NFAM1: variants seen among roughly 807,000 people sequenced by gnomAD.
The protein encoded by NFAM1 is NFAT activation molecule 1.
Under a neutral mutation model 29.0 loss-of-function variants are expected in NFAM1, and 17 were observed. That is an observed-to-expected ratio of 0.59 (90% CI 0.40 to 0.88). The LOEUF (loss-of-function observed/expected upper bound fraction) is 0.88, where lower values mean the gene tolerates loss of function less well. Among genes scored for constraint, NFAM1 ranks in the 40% least tolerant of loss-of-function variants. The pLI is 0.00. For synonymous variants in NFAM1, 175 were observed against 147.2 expected (o/e 1.19, Z -1.36); for missense variants, 324 against 344.6 (o/e 0.94, Z 0.47).
At chr22:42,424,944 T>C (rs908871776) in intron 1 of NFAM1, among the ~76,000 whole-genome samples, 8 of 151,620 alleles carry the variant, frequency 5.3e-5, no homozygotes, top group African/African-American at 1.7e-4. Context: ...TTTTCTGAGA[T>C]GGAGTCTTGC....
At position 42,409,853 on chromosome 22, in the gene NFAM1, G is replaced by C. The variant is rs951893096; in HGVS notation, c.452-306C>G. Among the ~76,000 whole-genome samples, 1 of 152,190 alleles carries C rather than the reference G, an allele frequency of 6.6e-6. No homozygotes were observed. Among genetic ancestry groups the C allele is most frequent in the Non-Finnish European group, 1.5e-5 (1 of 68,032 alleles). On this transcript the variant is annotated intron_variant, in intron 2 of 5. Coordinates refer to ENST00000329021, the MANE Select transcript of NFAM1 (RefSeq NM_145912.8). The surrounding 1 kb of genome is among the most constrained non-coding windows in gnomAD (Gnocchi z 4.9). ...CTGAGCGAGATGTCTCCCCTCTCGG[G>C]GCCTCTTCTTTTCCCTGTGTGAGGT... is the stretch of plus-strand genomic sequence containing the variant.
At chr22:42,411,338 C>A in intron 2 of NFAM1, 69 bp downstream of exon 2, 1 of 1,271,154 alleles carries the variant, frequency 7.9e-7, no homozygotes, top group East Asian at 2.5e-5. Context: ...ATTTCCGATC[C>A]AAAGTCCCAA....
intron 1 of NFAM1, among the ~76,000 whole-genome samples, 190 bp from the exon 2 acceptor site, chr22:42,411,926 C>T (rs1345285385): frequency 3.3e-5 from 5 of 152,120 alleles, no homozygotes; most frequent in African/African-American, 7.2e-5. Flanking sequence ...GGTGAAACCC[C>T]GTCTCTACTA....
chr22:42,395,926 G>A (rs545424990), intron 4 of NFAM1, among the ~76,000 whole-genome samples: 1 of 149,056 alleles, frequency 6.7e-6, no homozygotes, highest in South Asian at 2.1e-4. Flanking sequence ...TAAAGAAAGT[G>A]AAAATGGGGA....
In NFAM1 at chr22:42,409,116, G is replaced by A. The variant is rs998536527; in HGVS notation, c.564+319C>T. On this transcript the variant is annotated intron_variant, in intron 3 of 5. Transcript: ENST00000329021. This position sits in a 1 kb window ranked among gnomAD's most constrained non-coding sequence, Gnocchi z 4.9. ...GCTGGGATCAAGAAAACCTGAGCAG[G>A]GATTCCCTAATCTGGGGAGCTAGAA... Among the ~76,000 whole-genome samples the A allele has an allele frequency of 1.1e-4, 17 of 152,144 alleles. No individual in the cohort carries two copies. Among genetic ancestry groups the A allele is most frequent in the African/African-American group, 3.9e-4 (16 of 41,432 alleles).
chr22:42,404,339 A>T (rs1257427012), intron 3 of NFAM1, among the ~76,000 whole-genome samples: 1 of 151,522 alleles, frequency 6.6e-6, no homozygotes, highest in African/African-American at 2.4e-5. Flanking sequence ...TCATTTATCC[A>T]CCACTGCAGG....
intron 1 of NFAM1, among the ~76,000 whole-genome samples, chr22:42,425,010 C>G (rs576854012): frequency 1.3e-5 from 2 of 152,166 alleles, no homozygotes; most frequent in African/African-American, 4.8e-5. Context: ...CAAACTCTAC[C>G]TCCCAGGTTC....
chr22:42,418,173 G>A (rs1930323602), intron 1 of NFAM1, among the ~76,000 whole-genome samples: 1 of 152,212 alleles, frequency 6.6e-6, no homozygotes. Flanking sequence ...CAACAGGCCT[G>A]GATGCGGCTC....
At chr22:42,425,953 C>A (rs1930608071) in intron 1 of NFAM1, among the ~76,000 whole-genome samples, 1 of 152,074 alleles carries the variant, frequency 6.6e-6, no homozygotes, top group African/African-American at 2.4e-5. Flanking sequence ...GGGGAAGGGG[C>A]CAGAGGGGGT....
intron 4 of NFAM1, among the ~76,000 whole-genome samples, chr22:42,392,276 T>C (rs1035277813): frequency 6.6e-6 from 1 of 151,958 alleles, no homozygotes. Context: ...GAGTGTGGAA[T>C]GTTCTGGAAG....
At chr22:42,428,200 C>G (rs1042219232) in intron 1 of NFAM1, among the ~76,000 whole-genome samples, 1 of 152,216 alleles carries the variant, frequency 6.6e-6, no homozygotes, top group African/African-American at 2.4e-5. Flanking sequence ...CCTGGCCCTG[C>G]CTTTTGGGCT....
Position 42,380,410 on chromosome 22 carries a change from C to T in NFAM1, c.*4751G>A, listed in dbSNP as rs1928903081. 1 of 152,226 alleles carries T rather than the reference C, an allele frequency of 6.6e-6. No individual in the cohort carries two copies. The highest frequency in any genetic ancestry group is 2.1e-4 in the South Asian group (1 of 4,830). 9.4% of individuals were successfully genotyped at this position (152,226 alleles called of 1,614,324 possible). On this transcript the variant is annotated 3_prime_UTR_variant, in exon 6 of 6. Transcript: ENST00000329021. ...GGTGGCAGGTGCATCAGAGGAGTTT[C>T]ACTTTGCTGTAGTTTTAATGTTTCA...
intron 2 of NFAM1, among the ~76,000 whole-genome samples, chr22:42,411,088 G>A (rs936222615): frequency 2.7e-5 from 4 of 147,930 alleles, no homozygotes; most frequent in East Asian, 2.0e-4. Context: ...GCAATGGTGC[G>A]ATCTAGGCTC....
chr22:42,401,182 C>T (rs963252767), intron 3 of NFAM1, among the ~76,000 whole-genome samples: 1 of 152,188 alleles, frequency 6.6e-6, no homozygotes, highest in African/African-American at 2.4e-5. Context: ...GGCCATCTTG[C>T]GCTGTCTTCT....
Position 42,385,142 on chromosome 22 carries a change from A to G in NFAM1, c.*19T>C, listed in dbSNP as rs1017526306. ...GGTCCTCTGACCCAGGGCAAGCTCT[A>G]TGAGCGGTGGAGCCCATCCTAGAGA... On this transcript the variant is annotated 3_prime_UTR_variant, in exon 6 of 6. Coordinates refer to ENST00000329021, the MANE Select transcript of NFAM1 (RefSeq NM_145912.8). 3 of 1,606,604 alleles carry G rather than the reference A, an allele frequency of 1.9e-6. No homozygotes were observed. Among genetic ancestry groups the G allele is most frequent in the Non-Finnish European group, 2.6e-6 (3 of 1,173,390 alleles).
rs1882810579 is a variant in NFAM1, at chr22:42,384,921, G to A, written c.*240C>T. ...TTTGCTGGTTGGGCCAAGGGAGGAAGGGCCTGCCTGGCAGAAGGAACAGCC... is the reference window on the plus strand; with the variant it reads ...TTTGCTGGTTGGGCCAAGGGAGGAAAGGCCTGCCTGGCAGAAGGAACAGCC... On this transcript the variant is annotated 3_prime_UTR_variant, in exon 6 of 6. Coordinates refer to ENST00000329021, the MANE Select transcript of NFAM1 (RefSeq NM_145912.8). The A allele has an allele frequency of 3.3e-6, 2 of 614,410 alleles. No individual in the cohort carries two copies. Among genetic ancestry groups the A allele is most frequent in the Admixed American group, 2.7e-5 (1 of 36,570 alleles). The allele number at this position is 614,410 out of a possible 1,614,324, so 38.1% of individuals were successfully genotyped here. A position where few individuals can be genotyped will look rare whatever the true frequency, so the allele number is the denominator to read the frequency against.
intron 1 of NFAM1, among the ~76,000 whole-genome samples, chr22:42,413,695 G>A (rs1930167837): frequency 6.6e-6 from 1 of 152,156 alleles, no homozygotes; most frequent in Non-Finnish European, 1.5e-5. Context: ...GCAAGGCCAG[G>A]CATTTGAGAC....
At chr22:42,393,135 G>T (rs953620804) in intron 4 of NFAM1, among the ~76,000 whole-genome samples, 9 of 151,862 alleles carry the variant, frequency 5.9e-5, no homozygotes, top group Non-Finnish European at 1.3e-4. Context: ...TATGCCATGA[G>T]CACTCTTCCA....
chr22:42,437,205 C>T (rs573249823), upstream of NFAM1, among the ~76,000 whole-genome samples: 2 of 146,248 alleles, frequency 1.4e-5, no homozygotes, highest in African/African-American at 2.6e-5. Flanking sequence ...TGCAGTGGTG[C>T]GATCTTGGCT....
Sources: gnomAD v4.1 joint callset for allele counts (sites outside exome capture counted in the v4.1 genomes callset) on GRCh38, gnomAD v4.1.1 for gene constraint, Gnocchi (gnomAD v3.1) non-coding constraint, MANE v1.5 for transcripts, NCBI Gene and HGNC (gene_info 2026-07-23, HGNC 2026-07-21) for gene names.